GNAL: variants seen among roughly 807,000 people sequenced by gnomAD.
GNAL encodes guanine nucleotide-binding protein G(olf) subunit alpha.
A neutral mutation model predicts 55.1 loss-of-function variants in GNAL; 18 were observed. That is an observed-to-expected ratio of 0.33 (90% CI 0.23 to 0.48). The LOEUF is 0.48. GNAL is among the 20% of genes least tolerant of loss of function. The pLI, the probability that GNAL is intolerant of heterozygous loss-of-function variation, is 0.99. For missense variants in GNAL, 412 were observed against 614.1 expected (o/e 0.67, Z 3.48); for synonymous variants, 253 against 237.0 (o/e 1.07, Z -0.62).
chr18:11,826,252 G>A (rs1208763403), intron 5 of GNAL, among the ~76,000 whole-genome samples: 7 of 141,552 alleles, frequency 4.9e-5, no homozygotes, highest in Non-Finnish European at 7.8e-5. Flanking sequence ...AGGAGGAGGA[G>A]CGGGGAGGGG....
At chr18:11,734,399 C>T (rs577516686) in intron 1 of GNAL, among the ~76,000 whole-genome samples, 1 of 152,136 alleles carries the variant, frequency 6.6e-6, no homozygotes, top group Non-Finnish European at 1.5e-5. Context: ...CCTTGGCCTT[C>T]CAGAGTTCTG....
intron 1 of GNAL, among the ~76,000 whole-genome samples, chr18:11,724,668 C>T (rs80260217): frequency 0.017 from 2,554 of 152,228 alleles, 54 homozygotes; most frequent in African/African-American, 0.052. Context: ...CTGGTGCCTT[C>T]GGGGCCTGCT....
At chr18:11,817,128 G>T (rs2034977360) in intron 4 of GNAL, among the ~76,000 whole-genome samples, 1 of 152,158 alleles carries the variant, frequency 6.6e-6, no homozygotes, top group African/African-American at 2.4e-5. Flanking sequence ...TCAAAAAGTT[G>T]TTTAAACATG....
At position 11,723,861 on chromosome 18, in the gene GNAL, C is replaced by G. The variant is rs114684398; in HGVS notation, c.377-28992C>G. ...TAATGGGAGTGTGGCACCTCTCCCC[C>G]ACTCTGCACAGACCCTTTTGTACAC... On this transcript the variant is annotated intron_variant, in intron 1 of 11. Transcript: ENST00000334049. 5.1e-3 allele frequency among the ~76,000 whole-genome samples: 777 copies of G among 152,340 alleles called. 5 individuals are homozygous for G. Among genetic ancestry groups the G allele is most frequent in the African/African-American group, 0.018 (740 of 41,582 alleles).
intron 11 of GNAL, among the ~76,000 whole-genome samples, chr18:11,876,991 C>T (rs1428426881): frequency 6.6e-6 from 1 of 152,174 alleles, no homozygotes; most frequent in Non-Finnish European, 1.5e-5. Context: ...GGACAGCGTC[C>T]TTCAGCAGAG....
intron 1 of GNAL, among the ~76,000 whole-genome samples, chr18:11,739,959 C>A (rs1216125939): frequency 6.6e-6 from 1 of 152,124 alleles, no homozygotes; most frequent in East Asian, 1.9e-4. Flanking sequence ...CATCTGCTGC[C>A]AATTCCACCC....
At chr18:11,724,541 C>T (rs573427028) in intron 1 of GNAL, among the ~76,000 whole-genome samples, 15 of 152,324 alleles carry the variant, frequency 9.8e-5, no homozygotes, top group African/African-American at 3.6e-4. Flanking sequence ...TCTTCTTTTC[C>T]TCTGTCGACC....
intron 4 of GNAL, among the ~76,000 whole-genome samples, chr18:11,774,268 G>T (rs1375235849): frequency 2.0e-5 from 3 of 152,188 alleles, no homozygotes; most frequent in Admixed American, 6.5e-5. Context: ...TCAGGCTGTG[G>T]TGTTTTCAGG....
intron 10 of GNAL, among the ~76,000 whole-genome samples, chr18:11,874,822 A>G (rs113027513): frequency 0.038 from 5,519 of 146,618 alleles, 412 homozygotes; most frequent in African/African-American, 0.14. Context: ...CCCTCACTGG[A>G]TGCTGCACCC....
chr18:11,765,132 A>T (rs1290929111), intron 4 of GNAL, among the ~76,000 whole-genome samples: 1 of 152,242 alleles, frequency 6.6e-6, no homozygotes, highest in Non-Finnish European at 1.5e-5. Flanking sequence ...ATGGAGGACC[A>T]GCCACAACAG....
At chr18:11,857,707 G>C in intron 5 of GNAL, 2 of 985,392 alleles carry the variant, frequency 2.0e-6, no homozygotes, top group East Asian at 2.3e-4. Flanking sequence ...GATATGCTGC[G>C]AGTCTGGGAA....
intron 10 of GNAL, among the ~76,000 whole-genome samples, chr18:11,873,560 C>T (rs141270177): frequency 0.016 from 2,499 of 152,352 alleles, 26 homozygotes; most frequent in Non-Finnish European, 0.026. Flanking sequence ...TCTCCGCACC[C>T]GCCAGAGGGT....
chr18:11,761,324 C>G (rs988346905), intron 4 of GNAL, among the ~76,000 whole-genome samples: 1 of 152,204 alleles, frequency 6.6e-6, no homozygotes, highest in Non-Finnish European at 1.5e-5. Context: ...GGAAGTGAGG[C>G]CCCTGACTGC....
At chr18:11,846,464 T>TATACACACACACACACAC (rs1555613166) in intron 5 of GNAL, among the ~76,000 whole-genome samples, 3 of 140,096 alleles carry the variant, frequency 2.1e-5, no homozygotes, top group African/African-American at 2.7e-5. Context: ...TATATAAATA[T>TATACACACACACACACAC]ACACACACAC....
intron 4 of GNAL, among the ~76,000 whole-genome samples, chr18:11,809,716 G>A (rs939035218): frequency 2.0e-5 from 3 of 152,200 alleles, no homozygotes; most frequent in Non-Finnish European, 2.9e-5. Context: ...CTGGGCAACA[G>A]AGTAAGATTC....
chr18:11,835,219 G>A (rs1159081399), intron 5 of GNAL, among the ~76,000 whole-genome samples: 2 of 152,162 alleles, frequency 1.3e-5, no homozygotes, highest in South Asian at 2.1e-4. Context: ...CATTCTGTGA[G>A]CTGCAGTATT....
chr18:11,689,497 A>C lies in GNAL; in HGVS notation c.-67A>C. ...GGCGCCGGCCTGAACTGGGCGCGGG[A>C]ACCAGGCCGCCCTCGGCGCCCAGCC... is the stretch of plus-strand genomic sequence containing the variant. On this transcript the variant is annotated 5_prime_UTR_variant, in exon 1 of 12. Coordinates refer to ENST00000334049, the MANE Select transcript of GNAL (RefSeq NM_182978.4). The C allele has an allele frequency of 1.3e-6, 1 of 759,862 alleles. No individual in the cohort carries two copies. Among genetic ancestry groups the C allele is most frequent in the Non-Finnish European group, 1.8e-6 (1 of 560,472 alleles). The allele number at this position is 759,862 out of a possible 1,614,324, so 47.1% of individuals were successfully genotyped here. A position where few individuals can be genotyped will look rare whatever the true frequency, so the allele number is the denominator to read the frequency against.
chr18:11,749,186 A>T (rs924199931), intron 1 of GNAL, among the ~76,000 whole-genome samples: 1 of 151,246 alleles, frequency 6.6e-6, no homozygotes, highest in African/African-American at 2.4e-5. Context: ...GTCATAGCGC[A>T]TGCTGGGTTG....
intron 4 of GNAL, among the ~76,000 whole-genome samples, chr18:11,758,748 C>T (rs908354251): frequency 1.3e-5 from 2 of 152,196 alleles, no homozygotes; most frequent in African/African-American, 4.8e-5. Flanking sequence ...CTCCCCACTC[C>T]GTAAGCCCCT....
Sources: allele counts gnomAD v4.1 joint callset (sites outside exome capture counted in the v4.1 genomes callset), GRCh38; gene constraint gnomAD v4.1.1; transcripts MANE v1.5; gene names NCBI Gene and HGNC (gene_info 2026-07-23, HGNC 2026-07-21).